The following SUGCT variants were observed in gnomAD, a reference collection of about 807,000 sequenced individuals.
SUGCT encodes the protein succinyl-CoA:glutarate-CoA transferase.
SUGCT carries 41 observed loss-of-function variants against 55.0 expected under a neutral mutation model. The ratio of observed to expected loss-of-function variants is 0.74; its 90% CI spans 0.58 to 0.97. SUGCT has a LOEUF of 0.97. Among genes scored for constraint, SUGCT ranks in the 50% least tolerant of loss-of-function variants. The pLI is 0.00. For missense variants in SUGCT, 568 were observed against 547.8 expected (o/e 1.04, Z -0.37); for synonymous variants, 187 against 200.4 (o/e 0.93, Z 0.56).
At chr7:40,456,622 T>C (rs1357107735) in intron 10 of SUGCT, among the ~76,000 whole-genome samples, 1 of 151,910 alleles carries the variant, frequency 6.6e-6, no homozygotes, top group African/African-American at 2.4e-5. Flanking sequence ...GGAGTCAGTG[T>C]TGAGTGGGGT....
chr7:40,271,283 T>C (rs541940818), intron 7 of SUGCT, among the ~76,000 whole-genome samples: 7 of 152,190 alleles, frequency 4.6e-5, no homozygotes, highest in African/African-American at 1.7e-4. Flanking sequence ...AAAAAATAAT[T>C]AGTTAAATTT....
chr7:40,190,945 G>GA (rs978010578), intron 5 of SUGCT, among the ~76,000 whole-genome samples: 6 of 152,110 alleles, frequency 3.9e-5, no homozygotes, highest in Non-Finnish European at 8.8e-5. Flanking sequence ...CCTAGGGGTG[G>GA]ACTTGCACAG....
At chr7:40,267,040 A>AC (rs34346570) in intron 7 of SUGCT, among the ~76,000 whole-genome samples, 86 of 59,934 alleles carry the variant, frequency 1.4e-3, no homozygotes, top group East Asian at 2.7e-3. Flanking sequence ...AAACAAACAA[A>AC]AAAAAAAAAG....
At chr7:40,326,834 C>T (rs1028442043) in intron 9 of SUGCT, among the ~76,000 whole-genome samples, 1 of 152,060 alleles carries the variant, frequency 6.6e-6, no homozygotes, top group African/African-American at 2.4e-5. Flanking sequence ...TGGGAACCTA[C>T]CTTTATAAAA....
intron 1 of SUGCT, chr7:40,153,676 AATGTTTTCACGTT>A: frequency 1.9e-6 from 1 of 516,772 alleles, no homozygotes; most frequent in African/African-American, 1.9e-5. Flanking sequence ...GGGACTACTT[AATGTTTTCACGTT>A]ATATTCTGGT....
intron 12 of SUGCT, among the ~76,000 whole-genome samples, chr7:40,724,128 C>CA (rs1005729781): frequency 2.9e-4 from 44 of 151,446 alleles, no homozygotes; most frequent in African/African-American, 4.1e-4. Flanking sequence ...TAAATTAAGG[C>CA]AAAAAAAATG....
intron 12 of SUGCT, among the ~76,000 whole-genome samples, chr7:40,641,170 C>A (rs1017474891): frequency 6.6e-6 from 1 of 152,206 alleles, no homozygotes; most frequent in African/African-American, 2.4e-5. Flanking sequence ...GCAGTCCCTT[C>A]ATTTCCTATA....
At chr7:40,663,480 G>GGTGTGTGTGT (rs1284850752) in intron 12 of SUGCT, among the ~76,000 whole-genome samples, 1 of 136,336 alleles carries the variant, frequency 7.3e-6, no homozygotes, top group African/African-American at 3.1e-5. Context: ...ATTACTTTGT[G>GGTGTGTGTGT]GTGTATGTGT....
chr7:40,855,843 A>G (rs1397194227), intron 13 of SUGCT, among the ~76,000 whole-genome samples: 1 of 152,230 alleles, frequency 6.6e-6, no homozygotes, highest in Non-Finnish European at 1.5e-5. Flanking sequence ...AAAAATCCAT[A>G]TTAAAAATTT....
intron 8 of SUGCT, among the ~76,000 whole-genome samples, chr7:40,278,333 G>A (rs1004387705): frequency 2.0e-5 from 3 of 152,290 alleles, no homozygotes; most frequent in South Asian, 4.1e-4. Flanking sequence ...TGGTGGGACT[G>A]TAAACTAGTT....
At chr7:40,767,166 A>G (rs1159232792) in intron 13 of SUGCT, among the ~76,000 whole-genome samples, 3 of 152,340 alleles carry the variant, frequency 2.0e-5, no homozygotes, top group Middle Eastern at 3.4e-3. Context: ...AACACTAAAA[A>G]CAAGTTGGCT....
At chr7:40,384,934 T>C (rs1305348740) in intron 9 of SUGCT, among the ~76,000 whole-genome samples, 1 of 152,176 alleles carries the variant, frequency 6.6e-6, no homozygotes, top group Admixed American at 6.5e-5. Context: ...TAAACAAAGA[T>C]AGGCTCTTTT....
intron 1 of SUGCT, chr7:40,153,576 C>G (rs556015234): frequency 2.0e-6 from 1 of 494,200 alleles, no homozygotes; most frequent in South Asian, 1.5e-5. Context: ...CCTATCAACT[C>G]TTACCCCTGG....
intron 13 of SUGCT, among the ~76,000 whole-genome samples, chr7:40,760,269 G>T (rs1288665999): frequency 6.6e-6 from 1 of 152,124 alleles, no homozygotes; most frequent in Non-Finnish European, 1.5e-5. Context: ...TGTTGTGTTG[G>T]TATAATAGAG....
At chr7:40,668,157 T>C (rs964379775) in intron 12 of SUGCT, among the ~76,000 whole-genome samples, 6 of 152,214 alleles carry the variant, frequency 3.9e-5, no homozygotes, top group African/African-American at 1.2e-4. Context: ...TCTTTTACAG[T>C]ATGATATATT....
chr7:40,357,193 A>T (rs1269933527), intron 9 of SUGCT, among the ~76,000 whole-genome samples: 1 of 152,028 alleles, frequency 6.6e-6, no homozygotes, highest in Non-Finnish European at 1.5e-5. Flanking sequence ...AAATTTTATA[A>T]TTTTTCTGAC....
chr7:40,740,574 T>C (rs1787406557), intron 12 of SUGCT, among the ~76,000 whole-genome samples: 1 of 150,808 alleles, frequency 6.6e-6, no homozygotes, highest in Non-Finnish European at 1.5e-5. Flanking sequence ...TTTTTATTAT[T>C]ATTTTTTTCC....
chr7:40,907,053 A>G, the SUGCT span, among the ~76,000 whole-genome samples: 22 of 151,654 alleles, frequency 1.5e-4, no homozygotes, highest in Non-Finnish European at 3.2e-4. Flanking sequence ...GGGTAGGAAG[A>G]TGGAAGTAGG....
rs375881371 is a variant in SUGCT at position 40,244,604 on chromosome 7, G to A, written c.576+6878G>A. On this transcript the variant is annotated intron_variant, in intron 7 of 13. Coordinates refer to ENST00000335693, the MANE Select transcript of SUGCT (RefSeq NM_001193313.2). Reference sequence around the variant, plus strand: ...AAGTGTGCAGGATGGATTAAATCAAGTTTACAAGCATTGTTCCTTAGATAT... The same window carrying A: ...AAGTGTGCAGGATGGATTAAATCAAATTTACAAGCATTGTTCCTTAGATAT... Among the ~76,000 whole-genome samples, 22 of 152,286 alleles carry A rather than the reference G, an allele frequency of 1.4e-4. No homozygotes were observed. In the South Asian group the frequency reaches 4.6e-3, roughly 32 times the overall value.
Sources: allele counts gnomAD v4.1 joint callset (sites outside exome capture counted in the v4.1 genomes callset), GRCh38; gene constraint gnomAD v4.1.1; transcripts MANE v1.5; gene names NCBI Gene and HGNC (gene_info 2026-07-23, HGNC 2026-07-21).